The following FAM20C variants were observed in gnomAD, a reference collection of about 807,000 sequenced individuals.
FAM20C encodes FAM20C golgi associated secretory pathway kinase.
A neutral mutation model predicts 51.5 loss-of-function variants in FAM20C; 40 were observed. The ratio of observed to expected loss-of-function variants is 0.78; its 90% CI spans 0.60 to 1.01. The LOEUF is 1.01. Ranked by LOEUF, FAM20C falls within the 50% of genes least tolerant of loss-of-function variation. FAM20C has a pLI of 0.00. For missense variants in FAM20C, 861 were observed against 844.7 expected, an observed-to-expected ratio of 1.02 and a Z score of -0.24; for synonymous variants, 406 against 380.6, an observed-to-expected ratio of 1.07 and a Z score of -0.78.
At chr7:258,304 GTGGGATGGACCCACT>G (rs1788715705) in intron 8 of FAM20C, among the ~76,000 whole-genome samples, 2 of 64,046 alleles carry the variant, frequency 3.1e-5, no homozygotes, top group African/African-American at 6.5e-5. Context: ...CTGGAGATGG[GTGGGATGGACCCACT>G]GCCCGGGGTG....
intron 3 of FAM20C, among the ~76,000 whole-genome samples, chr7:222,754 A>C (rs1437325320): frequency 1.3e-5 from 2 of 152,132 alleles, no homozygotes; most frequent in African/African-American, 4.8e-5. Flanking sequence ...GGGCATGAGC[A>C]TGTGCTCATG....
intron 8 of FAM20C, 40 bp downstream of exon 8, chr7:257,126 G>A (rs779465736): frequency 1.4e-5 from 22 of 1,525,074 alleles, no homozygotes; most frequent in African/African-American, 2.7e-5. Flanking sequence ...GGGAAGGGCC[G>A]GCCACCTCCC....
chr7:193,875 G>GGGGCCCCAGA, intron 1 of FAM20C, 71 bp downstream of exon 1: 1 of 1,488,474 alleles, frequency 6.7e-7, no homozygotes, highest in South Asian at 1.3e-5. Context: ...GAGAGGTTCA[G>GGGGCCCCAGA]GGGCCCCAGA....
At chr7:209,922 A>G (rs1786622929) in intron 3 of FAM20C, among the ~76,000 whole-genome samples, 1 of 152,230 alleles carries the variant, frequency 6.6e-6, no homozygotes, top group African/African-American at 2.4e-5. Flanking sequence ...TTCTCTGGAC[A>G]GATGTCCTGG....
chr7:201,766 A>G (rs1204867490), intron 2 of FAM20C, among the ~76,000 whole-genome samples: 1 of 152,208 alleles, frequency 6.6e-6, no homozygotes, highest in Non-Finnish European at 1.5e-5. Flanking sequence ...CTGCATACGA[A>G]CATCGCCTCT....
intron 3 of FAM20C, among the ~76,000 whole-genome samples, chr7:235,650 C>T (rs976184893): frequency 1.1e-4 from 16 of 152,230 alleles, no homozygotes; most frequent in Admixed American, 1.0e-3. Flanking sequence ...TCCTCCCGCT[C>T]GGGTGGGGCC....
At chr7:206,965 C>T (rs1786438206) in intron 2 of FAM20C, among the ~76,000 whole-genome samples, 1 of 56,940 alleles carries the variant, frequency 1.8e-5, no homozygotes, top group Non-Finnish European at 3.4e-5. Flanking sequence ...ACGGCCCCCT[C>T]GGCCCCGCAC....
intron 8 of FAM20C, 111 bp downstream of exon 8, chr7:257,197 A>C: frequency 9.2e-7 from 1 of 1,082,460 alleles, no homozygotes; most frequent in Non-Finnish European, 1.3e-6. Context: ...CAGTGGAGGG[A>C]TGGGAATGTC....
chr7:230,171 G>T (rs892626623), intron 3 of FAM20C, among the ~76,000 whole-genome samples: 4 of 152,252 alleles, frequency 2.6e-5, no homozygotes, highest in Non-Finnish European at 5.9e-5. Flanking sequence ...GCAATCCCCT[G>T]TCCTCATAAG....
At chr7:196,940 G>GC (rs756868934) in intron 2 of FAM20C, among the ~76,000 whole-genome samples, 1 of 151,844 alleles carries the variant, frequency 6.6e-6, no homozygotes, top group East Asian at 1.9e-4. Flanking sequence ...CTGAACCCCT[G>GC]CCCCCCTCCA....
At chr7:259,413 G>C (rs560309081) in intron 9 of FAM20C, among the ~76,000 whole-genome samples, 1 of 51,570 alleles carries the variant, frequency 1.9e-5, no homozygotes, top group Non-Finnish European at 3.7e-5. Context: ...CCCCTCTCTC[G>C]CGGTCTCTCT....
chr7:237,408 C>A (rs946820250), intron 3 of FAM20C, among the ~76,000 whole-genome samples: 2 of 152,168 alleles, frequency 1.3e-5, no homozygotes, highest in Non-Finnish European at 2.9e-5. Flanking sequence ...GTGCAGTATG[C>A]GTTCACAGCA....
intron 8 of FAM20C, among the ~76,000 whole-genome samples, chr7:257,857 G>GCTGGGTGGACCCACTGCCCAGGA (rs1788663024): frequency 1.7e-5 from 2 of 117,204 alleles, no homozygotes; most frequent in African/African-American, 7.2e-5. Context: ...ACTGCCTGGG[G>GCTGGGTGGACCCACTGCCCAGGA]TGCTGGAGAT....
intron 4 of FAM20C, 78 bp from the exon 5 acceptor site, chr7:248,237 T>C (rs1788247673): frequency 9.8e-7 from 1 of 1,016,804 alleles, no homozygotes; most frequent in African/African-American, 1.6e-5. Context: ...CCCTGCCCCG[T>C]TCTTATTTGG....
At chr7:218,328 C>G (rs1384099118) in intron 3 of FAM20C, among the ~76,000 whole-genome samples, 1 of 152,242 alleles carries the variant, frequency 6.6e-6, no homozygotes, top group Admixed American at 6.5e-5. Context: ...CTTTCCGGTG[C>G]TCCCGTCCTG....
intron 3 of FAM20C, among the ~76,000 whole-genome samples, chr7:222,500 G>A (rs1020609405): frequency 1.3e-5 from 2 of 152,164 alleles, no homozygotes; most frequent in Non-Finnish European, 2.9e-5. Context: ...CAGGCCCAGG[G>A]CTGGCACTGA....
chr7:204,896 A>G (rs1043793792), intron 2 of FAM20C, among the ~76,000 whole-genome samples: 1 of 151,978 alleles, frequency 6.6e-6, no homozygotes, highest in African/African-American at 2.4e-5. Flanking sequence ...GAGTCCCCAC[A>G]CTGCCGCTGT....
rs1394446439 is a variant in FAM20C at position 254,251 on chromosome 7, G to A, written c.1073-1598G>A. Among the ~76,000 whole-genome samples the A allele has an allele frequency of 2.0e-5, 3 of 152,332 alleles. No homozygotes were observed. In the East Asian group the frequency reaches 5.8e-4, roughly 29 times the overall value. ...CGGCCACCCTCCTGTTCACTCCGCT[G>A]GGAAGCGCCCTGCCGAACCTGCCTT... On this transcript the variant is annotated intron_variant, in intron 5 of 9. Transcript: ENST00000313766.
intron 9 of FAM20C, among the ~76,000 whole-genome samples, chr7:259,242 C>T (rs544659758): frequency 2.3e-4 from 35 of 149,570 alleles, no homozygotes; most frequent in Middle Eastern, 3.4e-3. Context: ...GTGAGCGGGC[C>T]GCCCTCCTCA....
Sources: gnomAD v4.1 joint callset for allele counts (sites outside exome capture counted in the v4.1 genomes callset) on GRCh38, gnomAD v4.1.1 for gene constraint, MANE v1.5 for transcripts, NCBI Gene and HGNC (gene_info 2026-07-23, HGNC 2026-07-21) for gene names.